RNF150: variants seen among roughly 807,000 people sequenced by gnomAD.
RNF150 encodes the protein ring finger protein 150.
RNF150 carries 24 observed loss-of-function variants against 39.3 expected under a neutral mutation model. The ratio of observed to expected loss-of-function variants is 0.61; its 90% CI spans 0.44 to 0.86. The LOEUF (loss-of-function observed/expected upper bound fraction) is 0.86. Among genes scored for constraint, RNF150 ranks in the 40% least tolerant of loss-of-function variants. The pLI is 0.00. For synonymous variants in RNF150, 255 were observed against 227.3 expected (o/e 1.12, Z -1.10); for missense variants, 502 against 587.8 (o/e 0.85, Z 1.51).
intron 1 of RNF150, among the ~76,000 whole-genome samples, chr4:141,000,062 GAAGAAGAAGAAGAAGAAGA>G (rs1734592932): frequency 9.7e-6 from 1 of 103,376 alleles, no homozygotes; most frequent in Non-Finnish European, 2.1e-5. Flanking sequence ...AGAAGAAGAA[GAAGAAGAAGAAGAAGAAGA>G]AGAAGGAGAA....
At chr4:141,186,238 C>T (rs1344095289) in intron 1 of RNF150, among the ~76,000 whole-genome samples, 1 of 152,290 alleles carries the variant, frequency 6.6e-6, no homozygotes, top group East Asian at 1.9e-4. Context: ...AAGGACTCGA[C>T]TTCTTCCTGG....
chr4:141,044,454 T>C lies in RNF150; in HGVS notation c.485-76581A>G, dbSNP rs79809123. 9.8e-5 allele frequency among the ~76,000 whole-genome samples: 15 copies of C among 152,336 alleles called. No homozygotes were observed. In the East Asian group the frequency reaches 2.3e-3, roughly 24 times the overall value. On this transcript the variant is annotated intron_variant, in intron 1 of 6. Transcript: ENST00000515673. ...AATGGAGAAATAGTTACCAATTTCA[T>C]GTAATGCAAACATTAATATACAAAA...
intron 6 of RNF150, among the ~76,000 whole-genome samples, chr4:140,882,961 C>T (rs1729431320): frequency 1.3e-5 from 2 of 151,878 alleles, no homozygotes; most frequent in African/African-American, 4.8e-5. Context: ...TTGTAGTTAT[C>T]TCTCTTTTTC....
intron 1 of RNF150, among the ~76,000 whole-genome samples, chr4:141,046,280 G>T (rs1404103746): frequency 6.6e-6 from 1 of 152,142 alleles, no homozygotes; most frequent in Non-Finnish European, 1.5e-5. Flanking sequence ...CACATTTTCT[G>T]TCTTCTACCT....
chr4:140,967,337 C>G (rs1733284092), intron 2 of RNF150, among the ~76,000 whole-genome samples: 1 of 152,038 alleles, frequency 6.6e-6, no homozygotes, highest in Non-Finnish European at 1.5e-5. Context: ...TATCTTCACA[C>G]TATTAGCACT....
intron 6 of RNF150, among the ~76,000 whole-genome samples, chr4:140,881,379 G>A (rs1265869670): frequency 6.6e-6 from 1 of 152,014 alleles, no homozygotes; most frequent in Non-Finnish European, 1.5e-5. Context: ...GCCCAGGCTG[G>A]TCTCAAACTT....
chr4:141,161,647 A>C (rs1392237948), intron 1 of RNF150, among the ~76,000 whole-genome samples: 1 of 152,212 alleles, frequency 6.6e-6, no homozygotes, highest in Admixed American at 6.5e-5. Flanking sequence ...CTAGGAGGGA[A>C]TAATGGTTTC....
chr4:141,163,215 A>C (rs1727545253), intron 1 of RNF150, among the ~76,000 whole-genome samples: 1 of 152,206 alleles, frequency 6.6e-6, no homozygotes, highest in African/African-American at 2.4e-5. Context: ...AGCCCACCAC[A>C]GTTCACCAAA....
chr4:140,908,092 C>A (rs1486833872), intron 6 of RNF150, among the ~76,000 whole-genome samples: 2 of 152,236 alleles, frequency 1.3e-5, no homozygotes, highest in Non-Finnish European at 2.9e-5. Flanking sequence ...TATCCAACTA[C>A]ACTTACGTGT....
At chr4:141,081,111 A>G (rs987953959) in intron 1 of RNF150, among the ~76,000 whole-genome samples, 1 of 152,238 alleles carries the variant, frequency 6.6e-6, no homozygotes, top group Non-Finnish European at 1.5e-5. Context: ...CTGCCATAAT[A>G]TCAGTACTGC....
intron 1 of RNF150, among the ~76,000 whole-genome samples, chr4:141,119,311 G>A (rs1726537158): frequency 6.6e-6 from 1 of 152,056 alleles, no homozygotes; most frequent in Non-Finnish European, 1.5e-5. Context: ...CATTCTTCTG[G>A]AATGAAGCAG....
intron 1 of RNF150, among the ~76,000 whole-genome samples, chr4:141,185,235 G>A (rs1025353154): frequency 1.3e-5 from 2 of 152,036 alleles, no homozygotes; most frequent in Non-Finnish European, 2.9e-5. Context: ...TCCTTGAAGA[G>A]GTCCTTCATG....
At chr4:140,898,207 T>G (rs1303783621) in intron 6 of RNF150, among the ~76,000 whole-genome samples, 1 of 152,070 alleles carries the variant, frequency 6.6e-6, no homozygotes, top group Non-Finnish European at 1.5e-5. Context: ...CTGCCTTACT[T>G]GTAGGGGCAT....
intron 1 of RNF150, among the ~76,000 whole-genome samples, chr4:141,139,499 C>T (rs1578762819): frequency 6.6e-6 from 1 of 152,192 alleles, no homozygotes; most frequent in Non-Finnish European, 1.5e-5. Context: ...CCCAGATAGC[C>T]TTACAAAGGA....
At chr4:140,951,902 G>A (rs1233713804) in intron 2 of RNF150, among the ~76,000 whole-genome samples, 4 of 151,730 alleles carry the variant, frequency 2.6e-5, no homozygotes, top group Non-Finnish European at 4.4e-5. Flanking sequence ...ATATAATATT[G>A]CACCTAATTC....
chr4:140,974,983 T>C (rs1733607783), intron 1 of RNF150, among the ~76,000 whole-genome samples: 1 of 152,106 alleles, frequency 6.6e-6, no homozygotes, highest in Admixed American at 6.6e-5. Flanking sequence ...AGACTGGGCA[T>C]GGGGTCTCAC....
At chr4:140,890,302 CA>C (rs761130380) in intron 6 of RNF150, among the ~76,000 whole-genome samples, 10 of 151,926 alleles carry the variant, frequency 6.6e-5, no homozygotes, top group African/African-American at 2.2e-4. Context: ...TTAACTGCTA[CA>C]AAAAAAACTA....
chr4:141,134,271 T>C (rs1470579303), upstream of RNF150, among the ~76,000 whole-genome samples: 1 of 152,132 alleles, frequency 6.6e-6, no homozygotes, highest in Non-Finnish European at 1.5e-5. Flanking sequence ...GTCCCCCTAG[T>C]GTAGTGTTCT....
intron 1 of RNF150, among the ~76,000 whole-genome samples, chr4:141,151,411 C>T (rs1343681611): frequency 2.2e-3 from 5 of 2,262 alleles, no homozygotes; most frequent in Non-Finnish European, 7.3e-3. Flanking sequence ...TCTCTACAGA[C>T]ACACACACAC....
Sources: gnomAD v4.1 joint callset for allele counts (sites outside exome capture counted in the v4.1 genomes callset) on GRCh38, gnomAD v4.1.1 for gene constraint, MANE v1.5 for transcripts, NCBI Gene and HGNC (gene_info 2026-07-23, HGNC 2026-07-21) for gene names.